Variants in FNDC3B observed in about 807,000 individuals in gnomAD.
FNDC3B encodes fibronectin type III domain-containing protein 3B.
Under a neutral mutation model 151.5 loss-of-function variants are expected in FNDC3B, and 12 were observed. The ratio of observed to expected loss-of-function variants is 0.08; its 90% confidence interval spans 0.05 to 0.13. FNDC3B has a LOEUF of 0.13. Among genes scored for constraint, FNDC3B ranks in the 10% least tolerant of loss-of-function variants. The pLI, the probability that FNDC3B is intolerant of heterozygous loss-of-function variation, is 1.00. For missense variants in FNDC3B, 1,214 were observed against 1,505.3 expected (o/e 0.81, Z 3.20); for synonymous variants, 528 against 549.0 (o/e 0.96, Z 0.54).
chr3:172,202,506 C>T (rs1384990607), intron 3 of FNDC3B, among the ~76,000 whole-genome samples: 2 of 152,232 alleles, frequency 1.3e-5, no homozygotes, highest in South Asian at 4.1e-4. Flanking sequence ...TAGATACTTT[C>T]TGTCATATCC....
intron 1 of FNDC3B, among the ~76,000 whole-genome samples, chr3:172,048,792 G>A (rs1560381912): frequency 6.6e-6 from 1 of 152,168 alleles, no homozygotes; most frequent in Non-Finnish European, 1.5e-5. Flanking sequence ...AAAGAAGGCA[G>A]TTCTAATACA....
intron 1 of FNDC3B, among the ~76,000 whole-genome samples, chr3:172,068,220 T>C (rs1170309379): frequency 2.0e-5 from 3 of 152,188 alleles, no homozygotes; most frequent in African/African-American, 7.2e-5. Flanking sequence ...TAAGTTCACC[T>C]TTATATCCCC....
At chr3:172,209,093 T>A (rs1345444342) in intron 3 of FNDC3B, among the ~76,000 whole-genome samples, 1 of 149,142 alleles carries the variant, frequency 6.7e-6, no homozygotes, top group African/African-American at 2.5e-5. Flanking sequence ...ACACCTCTTC[T>A]CTCCTCATTG....
intron 1 of FNDC3B, among the ~76,000 whole-genome samples, chr3:172,092,307 T>C (rs1185109005): frequency 6.6e-6 from 1 of 152,204 alleles, no homozygotes; most frequent in African/African-American, 2.4e-5. Flanking sequence ...ATCAAATGCC[T>C]GAGCCCCTGT....
At chr3:172,079,993 A>G (rs1193542003) in intron 1 of FNDC3B, among the ~76,000 whole-genome samples, 1 of 152,228 alleles carries the variant, frequency 6.6e-6, no homozygotes, top group Non-Finnish European at 1.5e-5. Flanking sequence ...TGCCCAGTCA[A>G]GAAAATGGGG....
At chr3:172,068,956 A>G (rs1027355930) in intron 1 of FNDC3B, among the ~76,000 whole-genome samples, 3 of 152,178 alleles carry the variant, frequency 2.0e-5, no homozygotes, top group South Asian at 2.1e-4. Context: ...GTTAAAAGCT[A>G]GTCAGTTGTG....
intron 3 of FNDC3B, among the ~76,000 whole-genome samples, chr3:172,211,929 TA>T (rs935148254): frequency 6.6e-6 from 1 of 152,258 alleles, no homozygotes; most frequent in African/African-American, 2.4e-5. Context: ...AAGATGTTTA[TA>T]AATGTTTTAT....
intron 4 of FNDC3B, among the ~76,000 whole-genome samples, chr3:172,236,493 A>G (rs963512093): frequency 3.3e-5 from 5 of 152,196 alleles, no homozygotes; most frequent in African/African-American, 4.8e-5. Context: ...TGATATACAA[A>G]TTGTAGGAGT....
chr3:172,344,059 A>G (rs775163426), intron 18 of FNDC3B, 27 bp from the exon 19 acceptor site: 1 of 1,595,482 alleles, frequency 6.3e-7, no homozygotes, highest in African/African-American at 1.3e-5. Context: ...AAAGTGTTCT[A>G]AGATGAAAAA....
rs1576809432 is a variant in FNDC3B at position 172,041,411 on chromosome 3, C to T, written c.-29+1640C>T. Among the ~76,000 whole-genome samples the T allele has an allele frequency of 1.2e-4, 17 of 139,004 alleles. No individual in the cohort carries two copies. In the East Asian group the frequency reaches 2.5e-3, roughly 21 times the overall value. 91.2% of individuals were successfully genotyped at this position (139,004 alleles called of 152,430 possible). On this transcript the variant is annotated intron_variant, in intron 1 of 25. Coordinates refer to ENST00000415807, the MANE Select transcript of FNDC3B (RefSeq NM_022763.4). ...TTTCTTTCTTTCTTTCTCCTTCTCT[C>T]TCCTTCCTTCCTTCCTTCCTTCCTT...
Position 172,382,204 on chromosome 3 carries a change from G to T in FNDC3B, c.3303+1111G>T, listed in dbSNP as rs115067036. Among the ~76,000 whole-genome samples, 702 of 152,284 alleles carry T rather than the reference G, an allele frequency of 4.6e-3. 4 individuals are homozygous for T. The highest frequency in any genetic ancestry group is 0.016 in the African/African-American group (674 of 41,560). ...TGGTATCTCATAGTAGTTTTGATTT[G>T]CATTTCTCTAATGACAAGTGATGAC... On this transcript the variant is annotated intron_variant, in intron 25 of 25. Transcript: ENST00000415807.
At chr3:172,243,071 G>A (rs1245225673) in intron 4 of FNDC3B, among the ~76,000 whole-genome samples, 4 of 152,120 alleles carry the variant, frequency 2.6e-5, no homozygotes, top group Non-Finnish European at 4.4e-5. Context: ...AACCACCTTT[G>A]CTCCACAAGT....
intron 3 of FNDC3B, among the ~76,000 whole-genome samples, chr3:172,185,362 G>A (rs1724116307): frequency 6.6e-6 from 1 of 152,196 alleles, no homozygotes; most frequent in South Asian, 2.1e-4. Flanking sequence ...TGATTAGAGA[G>A]AAGCGATCCA....
intron 3 of FNDC3B, among the ~76,000 whole-genome samples, chr3:172,157,233 A>T (rs1223481526): frequency 6.6e-6 from 1 of 152,152 alleles, no homozygotes; most frequent in African/African-American, 2.4e-5. Flanking sequence ...TAACTTATCC[A>T]AAGTAGTGGT....
intron 3 of FNDC3B, among the ~76,000 whole-genome samples, chr3:172,159,017 C>T (rs775737773): frequency 6.6e-6 from 1 of 152,230 alleles, no homozygotes; most frequent in Non-Finnish European, 1.5e-5. Context: ...CATGGTGGCT[C>T]ACGCCTGTAA....
chr3:172,226,983 A>G (rs1367793128), intron 4 of FNDC3B, 36 bp downstream of exon 4: 1 of 1,344,282 alleles, frequency 7.4e-7, no homozygotes, highest in African/African-American at 1.4e-5. Flanking sequence ...CTCACTATGG[A>G]CACTGTCGTT....
chr3:172,103,229 T>A (rs1719459172), intron 1 of FNDC3B, among the ~76,000 whole-genome samples: 1 of 152,132 alleles, frequency 6.6e-6, no homozygotes, highest in South Asian at 2.1e-4. Flanking sequence ...GAGCTGGTAT[T>A]ATGTGAGGAT....
intron 1 of FNDC3B, among the ~76,000 whole-genome samples, chr3:172,061,684 A>G (rs562363370): frequency 6.6e-6 from 1 of 152,340 alleles, no homozygotes; most frequent in South Asian, 2.1e-4. Flanking sequence ...AAATAGTGAT[A>G]TTCTATATTT....
chr3:172,247,474 A>G, intron 4 of FNDC3B, 59 bp from the exon 5 acceptor site: 2 of 1,533,326 alleles, frequency 1.3e-6, no homozygotes, highest in South Asian at 1.2e-5. Context: ...TATTAATACT[A>G]TATATATTCA....
Sources: allele counts gnomAD v4.1 joint callset (sites outside exome capture counted in the v4.1 genomes callset), GRCh38; gene constraint gnomAD v4.1.1; transcripts MANE v1.5; gene names NCBI Gene and HGNC (gene_info 2026-07-23, HGNC 2026-07-21).